Variants in PCSK5 observed in about 807,000 individuals in gnomAD.
The protein encoded by PCSK5 is prohormone convertase 5.
In PCSK5, 129 loss-of-function variants were observed where a neutral mutation model predicts 233.2. The ratio of observed to expected loss-of-function variants is 0.55; its 90% CI spans 0.48 to 0.64. The LOEUF is 0.64. Ranked by LOEUF, PCSK5 falls within the 30% of genes least tolerant of loss-of-function variation. The pLI, the probability that PCSK5 is intolerant of heterozygous loss-of-function variation, is 0.00. For synonymous variants in PCSK5, 825 were observed against 879.2 expected (o/e 0.94, Z 1.09); for missense variants, 2,076 against 2,430.1 (o/e 0.85, Z 3.06).
chr9:76,183,824 C>A (rs931151659), intron 16 of PCSK5, among the ~76,000 whole-genome samples: 3 of 152,192 alleles, frequency 2.0e-5, no homozygotes, highest in Non-Finnish European at 2.9e-5. Context: ...TCATTCATTT[C>A]TACAAATTCA....
At chr9:76,043,049 A>C (rs2131536136) in intron 5 of PCSK5, among the ~76,000 whole-genome samples, 1 of 152,226 alleles carries the variant, frequency 6.6e-6, no homozygotes, top group Non-Finnish European at 1.5e-5. Flanking sequence ...AAAGATGGTA[A>C]AGAAATGTAC....
chr9:76,253,943 G>A lies in PCSK5; in HGVS notation c.3142+13259G>A, dbSNP rs376997706. Among the ~76,000 whole-genome samples, 17 of 152,192 alleles carry A rather than the reference G, an allele frequency of 1.1e-4. 1 individual carries two copies. In the South Asian group the frequency reaches 2.5e-3, roughly 22 times the overall value. On this transcript the variant is annotated intron_variant, in intron 24 of 37. Transcript: ENST00000674117. ...CACAGGGTTGTATTTCCCAAATCTC[G>A]GTGACTTCAAACAACACAGGTTTAT...
At chr9:76,108,902 G>A (rs1832091943) in intron 9 of PCSK5, among the ~76,000 whole-genome samples, 1 of 152,172 alleles carries the variant, frequency 6.6e-6, no homozygotes, top group Non-Finnish European at 1.5e-5. Flanking sequence ...GTCATGTGTT[G>A]GACTGAAACC....
intron 1 of PCSK5, among the ~76,000 whole-genome samples, chr9:75,928,628 T>C (rs62555884): frequency 4.3e-4 from 49 of 114,988 alleles, no homozygotes; most frequent in African/African-American, 1.8e-3. Context: ...TATATATATA[T>C]ATATATATAT....
At chr9:75,947,055 G>A (rs559536709) in intron 2 of PCSK5, among the ~76,000 whole-genome samples, 8 of 152,280 alleles carry the variant, frequency 5.3e-5, no homozygotes, top group East Asian at 3.9e-4. Flanking sequence ...AACAAGTAAC[G>A]TTGCTTCTTT....
At chr9:76,355,472 C>CA (rs34687792) in intron 37 of PCSK5, among the ~76,000 whole-genome samples, 5 of 148,928 alleles carry the variant, frequency 3.4e-5, no homozygotes, top group East Asian at 4.0e-4. Context: ...GACTCCGTCT[C>CA]AAAAAAAGAA....
chr9:76,285,517 C>T (rs1380929589), intron 24 of PCSK5, among the ~76,000 whole-genome samples: 1 of 152,070 alleles, frequency 6.6e-6, no homozygotes, highest in South Asian at 2.1e-4. Context: ...CTTGCAGTAA[C>T]AGGACACAGG....
intron 9 of PCSK5, among the ~76,000 whole-genome samples, chr9:76,131,386 C>T (rs1587667003): frequency 6.6e-6 from 1 of 152,134 alleles, no homozygotes. Flanking sequence ...ATCTTCTTTA[C>T]TTTATTTTGG....
intron 9 of PCSK5, among the ~76,000 whole-genome samples, chr9:76,117,048 T>C (rs1300465448): frequency 6.6e-6 from 1 of 152,192 alleles, no homozygotes; most frequent in South Asian, 2.1e-4. Flanking sequence ...TATTGAGTCA[T>C]GCTTGTTACC....
At chr9:76,220,975 C>A (rs1300032194) in intron 20 of PCSK5, among the ~76,000 whole-genome samples, 2 of 152,022 alleles carry the variant, frequency 1.3e-5, no homozygotes, top group East Asian at 1.9e-4. Context: ...TTCTGAGGAG[C>A]CAGTTTATTT....
At chr9:76,179,180 C>T (rs919273318) in intron 14 of PCSK5, among the ~76,000 whole-genome samples, 9 of 152,106 alleles carry the variant, frequency 5.9e-5, no homozygotes, top group African/African-American at 9.7e-5. Context: ...TTGGTCCAGG[C>T]GTTAAATAAT....
chr9:76,134,379 T>G (rs971850160), intron 10 of PCSK5, among the ~76,000 whole-genome samples, 167 bp downstream of exon 10: 10 of 152,042 alleles, frequency 6.6e-5, no homozygotes, highest in Non-Finnish European at 1.5e-5. Context: ...TTTTTTAAGT[T>G]AAAACTACAC....
chr9:76,251,232 A>C (rs1052634172), intron 24 of PCSK5, among the ~76,000 whole-genome samples: 2 of 152,024 alleles, frequency 1.3e-5, no homozygotes, highest in Non-Finnish European at 2.9e-5. Context: ...ACGCCACTGC[A>C]CTCTAGCCTG....
intron 20 of PCSK5, among the ~76,000 whole-genome samples, chr9:76,191,527 G>C (rs181038260): frequency 6.6e-6 from 1 of 152,290 alleles, no homozygotes; most frequent in African/African-American, 2.4e-5. Flanking sequence ...AAAGAACGGG[G>C]CACATGATTG....
At chr9:76,072,196 T>C (rs1830504649) in intron 7 of PCSK5, among the ~76,000 whole-genome samples, 1 of 152,248 alleles carries the variant, frequency 6.6e-6, no homozygotes. Flanking sequence ...AATAAATTCT[T>C]AGGACTGTGA....
chr9:76,247,698 A>C (rs1413416273), intron 24 of PCSK5, among the ~76,000 whole-genome samples: 1 of 152,234 alleles, frequency 6.6e-6, no homozygotes, highest in Non-Finnish European at 1.5e-5. Context: ...AAGAGAAAAA[A>C]GATAACTAAG....
At chr9:76,152,071 G>A (rs1823698303) in intron 10 of PCSK5, among the ~76,000 whole-genome samples, 1 of 152,164 alleles carries the variant, frequency 6.6e-6, no homozygotes, top group Non-Finnish European at 1.5e-5. Context: ...TGATGGTTAT[G>A]TGCATCCGAA....
At chr9:76,202,990 T>G (rs1435013062) in intron 20 of PCSK5, among the ~76,000 whole-genome samples, 1 of 152,138 alleles carries the variant, frequency 6.6e-6, no homozygotes, top group East Asian at 1.9e-4. Flanking sequence ...AATGAAAAAT[T>G]GAGCAAATGA....
At chr9:76,253,971 C>T (rs902326786) in intron 24 of PCSK5, among the ~76,000 whole-genome samples, 1 of 152,130 alleles carries the variant, frequency 6.6e-6, no homozygotes, top group Non-Finnish European at 1.5e-5. Flanking sequence ...AGGTTTATTT[C>T]TCTCTCATGC....
Sources: allele counts gnomAD v4.1 joint callset (sites outside exome capture counted in the v4.1 genomes callset), GRCh38; gene constraint gnomAD v4.1.1; transcripts MANE v1.5; gene names NCBI Gene and HGNC (gene_info 2026-07-23, HGNC 2026-07-21).